C6orf62: variants seen among roughly 807,000 people sequenced by gnomAD.
C6orf62 encodes uncharacterized protein C6orf62.
A neutral mutation model predicts 26.8 loss-of-function variants in C6orf62; 16 were observed. That is an observed-to-expected ratio of 0.60 (90% CI 0.40 to 0.91). The LOEUF (loss-of-function observed/expected upper bound fraction) is 0.91, where lower values mean the gene tolerates loss of function less well. C6orf62 is among the 40% of genes least tolerant of loss of function. The probability of loss-of-function intolerance (pLI) is 0.00; values close to 1 mark genes in which losing one functional copy is unlikely to be tolerated. For synonymous variants in C6orf62, 112 were observed against 91.5 expected, an observed-to-expected ratio of 1.22 and a Z score of -1.28; for missense variants, 192 against 271.4, an observed-to-expected ratio of 0.71 and a Z score of 2.06.
At chr6:24,719,244 A>G (rs1581401729), upstream of C6orf62, 1 of 987,582 alleles carries the variant, frequency 1.0e-6, no homozygotes, top group Non-Finnish European at 1.2e-6. Context: ...ATATCCAATT[A>G]GATTTTACCC....
At position 24,705,602 on chromosome 6, in the gene C6orf62, A is replaced by G. The variant is rs764299619; in HGVS notation, c.*535T>C. Reference sequence around the variant, plus strand: ...CAATGAGATGCGTTTTTCATTTAAGATTTCTTTCCCATGGTTGTATTTTCT... The same window carrying G: ...CAATGAGATGCGTTTTTCATTTAAGGTTTCTTTCCCATGGTTGTATTTTCT... On this transcript the variant is annotated 3_prime_UTR_variant, in exon 5 of 5. Coordinates refer to ENST00000378119, the MANE Select transcript of C6orf62 (RefSeq NM_030939.5). The G allele has an allele frequency of 1.3e-5, 2 of 152,512 alleles. No homozygotes were observed. Among genetic ancestry groups the G allele is most frequent in the African/African-American group, 4.8e-5 (2 of 41,412 alleles). The allele number at this position is 152,512 out of a possible 1,614,324, so 9.4% of individuals were successfully genotyped here.
At chr6:24,719,932 G>C (rs969073715), upstream of C6orf62, 6 of 1,550,340 alleles carry the variant, frequency 3.9e-6, no homozygotes, top group African/African-American at 6.8e-5. Flanking sequence ...CGCCCGGGTG[G>C]AGTGGGCGGG....
Position 24,709,852 on chromosome 6 carries a change from C to T in C6orf62, c.430-941G>A, listed in dbSNP as rs372122634. 344 of 984,898 alleles carry T rather than the reference C, an allele frequency of 3.5e-4. 2 individuals carry two copies. The South Asian group carries it at 0.014, about 39-fold the overall frequency. 61.0% of individuals were successfully genotyped at this position (984,898 alleles called of 1,614,324 possible). ...TAGATTTAACAATATGATATTTAGA[C>T]AATACTGAGTTGTACAAATAATTGT... On this transcript the variant is annotated intron_variant, in intron 3 of 4. Transcript: ENST00000378119.
upstream of C6orf62, chr6:24,719,213 G>A (rs922155687): frequency 8.5e-5 from 84 of 985,964 alleles, no homozygotes; most frequent in African/African-American, 1.1e-4. Context: ...CACCAAAACA[G>A]GGTAGGTGAA....
chr6:24,719,868 C>T (rs1025411004), upstream of C6orf62: 3 of 1,549,862 alleles, frequency 1.9e-6, no homozygotes, highest in Non-Finnish European at 2.6e-6. Flanking sequence ...ACTCGCACCA[C>T]GGGAGACACA....
At chr6:24,708,724 A>G in intron 4 of C6orf62, 53 bp downstream of exon 4, 1 of 1,608,418 alleles carries the variant, frequency 6.2e-7, no homozygotes, top group Non-Finnish European at 8.5e-7. Flanking sequence ...AACGTTTACT[A>G]ACCAATAAGT....
At chr6:24,720,285 A>AGGCGGCGGAAGAGGC, upstream of C6orf62, 1 of 1,299,022 alleles carries the variant, frequency 7.7e-7, no homozygotes, top group South Asian at 2.5e-5. Flanking sequence ...GCGGCGGAAG[A>AGGCGGCGGAAGAGGC]GGCGGCGGCG....
intron 3 of C6orf62, among the ~76,000 whole-genome samples, chr6:24,711,018 C>A (rs1779110483): frequency 1.3e-5 from 2 of 151,744 alleles, no homozygotes; most frequent in Admixed American, 1.3e-4. Context: ...ACAAAAAAAA[C>A]AGCCATACTA....
At chr6:24,707,073 A>C (rs1476689733) in intron 4 of C6orf62, 1 of 152,220 alleles carries the variant, frequency 6.6e-6, no homozygotes, top group Non-Finnish European at 1.5e-5. Context: ...GCACCTCTAA[A>C]AGGCAAAATA....
At chr6:24,715,775 G>T (rs1352745244) in intron 2 of C6orf62, among the ~76,000 whole-genome samples, 1 of 149,704 alleles carries the variant, frequency 6.7e-6, no homozygotes, top group Non-Finnish European at 1.5e-5. Context: ...TTGAATGCGC[G>T]AGGGCAGAGG....
intron 3 of C6orf62, among the ~76,000 whole-genome samples, chr6:24,710,758 G>C (rs1411205826): frequency 6.6e-6 from 1 of 152,086 alleles, no homozygotes; most frequent in African/African-American, 2.4e-5. Context: ...CAGCACTTTG[G>C]GAGTCCAAAG....
intron 1 of C6orf62, among the ~76,000 whole-genome samples, chr6:24,717,196 G>A (rs1375335481): frequency 6.6e-6 from 1 of 152,192 alleles, no homozygotes; most frequent in Non-Finnish European, 1.5e-5. Flanking sequence ...AATAAAACCA[G>A]ATTATCGTTG....
intron 3 of C6orf62, among the ~76,000 whole-genome samples, chr6:24,711,337 G>A (rs1779117082): frequency 6.6e-6 from 1 of 152,152 alleles, no homozygotes; most frequent in Non-Finnish European, 1.5e-5. Context: ...ACAGTCAGGG[G>A]AGGAGCTAAC....
chr6:24,719,249 T>C (rs1779303844), upstream of C6orf62: 7 of 987,628 alleles, frequency 7.1e-6, no homozygotes, highest in Non-Finnish European at 8.4e-6. Flanking sequence ...CAATTAGATT[T>C]TACCCAGCCA....
chr6:24,706,180 A>T lies in C6orf62; in HGVS notation c.647T>A (p.Val216Asp). 6.2e-7 allele frequency: 1 copy of T among 1,614,218 alleles called. No homozygotes were observed. Among genetic ancestry groups the T allele is most frequent in the Non-Finnish European group, 8.5e-7 (1 of 1,180,034 alleles). The change falls in exon 5 of 5, where the codon GTT becomes GAT. Residue 216 changes from valine to aspartate, a missense_variant. Physicochemically the swap from Val to Asp is radical, Grantham distance 152. Transcript: ENST00000378119. The part of the protein sequence containing the change: ...LPQEQLTHWA[V>D]GTIEDHLRPY... ...ACGGAGGTGATCCTCTATGGTGCCA[A>T]CTGCCCAGTGGGTGAGCTGTTCCTG...
intron 1 of C6orf62, among the ~76,000 whole-genome samples, chr6:24,717,227 T>C (rs1779253028): frequency 6.6e-6 from 1 of 152,236 alleles, no homozygotes; most frequent in African/African-American, 2.4e-5. Context: ...ATTAAGATGG[T>C]GCAATTTGGG....
In C6orf62 at chr6:24,718,766, T is replaced by C. The variant is rs370165464; in HGVS notation, c.-98A>G. 5.1e-6 allele frequency: 8 copies of C among 1,576,260 alleles called. No individual in the cohort carries two copies. The highest frequency in any genetic ancestry group is 4.2e-5 in the Admixed American group (2 of 48,182). The stretch of plus-strand genomic sequence containing the variant: ...GTACAACAGAAACAAGTCATTTTTT[T>C]TCCTGCTAATATGATTGATTAGCGA... On this transcript the variant is annotated 5_prime_UTR_variant, in exon 1 of 5. Transcript: ENST00000378119.
At chr6:24,719,766 C>A, upstream of C6orf62, 2 of 1,544,392 alleles carry the variant, frequency 1.3e-6, no homozygotes, top group South Asian at 1.2e-5. Context: ...GTGGCGGGTT[C>A]TTCTCCCAAA....
At chr6:24,720,039 T>G, upstream of C6orf62, 1 of 503,772 alleles carries the variant, frequency 2.0e-6, no homozygotes, top group South Asian at 1.8e-5. Context: ...CCCAAAAAAT[T>G]AAGTTCCCGG....
Sources: allele counts gnomAD v4.1 joint callset (sites outside exome capture counted in the v4.1 genomes callset), GRCh38; gene constraint gnomAD v4.1.1; transcripts MANE v1.5; gene names NCBI Gene and HGNC (gene_info 2026-07-23, HGNC 2026-07-21).